TSHZ1: variants seen among roughly 807,000 people sequenced by gnomAD.
TSHZ1 encodes teashirt homolog 1.
TSHZ1 carries 12 observed loss-of-function variants against 67.1 expected under a neutral mutation model. That is an observed-to-expected ratio of 0.18 (90% confidence interval 0.11 to 0.29). The LOEUF is 0.29. TSHZ1 is among the 10% of genes least tolerant of loss of function. The pLI is 1.00. For synonymous variants in TSHZ1, 632 were observed against 622.4 expected (o/e 1.02, Z -0.23); for missense variants, 1,305 against 1,413.9 (o/e 0.92, Z 1.23).
chr18:75,232,151 G>A (rs1395739332), intron 1 of TSHZ1, among the ~76,000 whole-genome samples: 6 of 151,346 alleles, frequency 4.0e-5, no homozygotes, highest in South Asian at 2.1e-4. Flanking sequence ...GACCTTGGGC[G>A]ATCCACCTGC....
intron 1 of TSHZ1, among the ~76,000 whole-genome samples, chr18:75,275,547 T>TG (rs1259091097): frequency 3.3e-5 from 5 of 152,222 alleles, no homozygotes; most frequent in Admixed American, 1.3e-4. Context: ...GTCTCCTCTC[T>TG]GGATTTCTAA....
At position 75,285,242 on chromosome 18, in the gene TSHZ1, C is replaced by T. The variant is rs951983516; in HGVS notation, c.41-206C>T. 9.2e-5 allele frequency: 43 copies of T among 467,114 alleles called. No homozygotes were observed. The East Asian group carries it at 1.5e-3, about 16-fold the overall frequency. 28.9% of individuals were successfully genotyped at this position (467,114 alleles called of 1,614,324 possible). On this transcript the variant is annotated intron_variant, in intron 1 of 1. Coordinates refer to ENST00000580243, the MANE Select transcript of TSHZ1 (RefSeq NM_001308210.2). The stretch of plus-strand genomic sequence containing the variant: ...ACAGGACATCATCCTCCAGCTCAGT[C>T]CCCTTTGCTAAAGACACACTCAGGA...
At chr18:75,267,385 A>G (rs1352473871) in intron 1 of TSHZ1, among the ~76,000 whole-genome samples, 1 of 152,224 alleles carries the variant, frequency 6.6e-6, no homozygotes, top group Non-Finnish European at 1.5e-5. Flanking sequence ...CTTAGTGGTA[A>G]GGGTTTCTTC....
intron 1 of TSHZ1, among the ~76,000 whole-genome samples, chr18:75,262,962 A>G (rs2023448652): frequency 6.6e-6 from 1 of 152,122 alleles, no homozygotes; most frequent in Admixed American, 6.5e-5. Context: ...GGACACAGAG[A>G]CTTAGGCTAG....
chr18:75,229,723 G>A (rs548073204), intron 1 of TSHZ1, among the ~76,000 whole-genome samples: 2 of 152,354 alleles, frequency 1.3e-5, no homozygotes, highest in Admixed American at 6.5e-5. Flanking sequence ...GCAGGAAGCT[G>A]TTTTTGGTTT....
chr18:75,212,969 C>G (rs1264737348), intron 1 of TSHZ1, among the ~76,000 whole-genome samples: 2 of 152,218 alleles, frequency 1.3e-5, no homozygotes, highest in Non-Finnish European at 2.9e-5. Flanking sequence ...TAAATCAACT[C>G]TCTCCAAGCT....
chr18:75,233,830 C>T (rs750460993), intron 1 of TSHZ1, among the ~76,000 whole-genome samples: 2 of 152,098 alleles, frequency 1.3e-5, no homozygotes, highest in African/African-American at 4.8e-5. Flanking sequence ...AGCGAGCATC[C>T]GCACGCCCGG....
At chr18:75,234,275 C>T (rs777274232) in intron 1 of TSHZ1, among the ~76,000 whole-genome samples, 5 of 152,132 alleles carry the variant, frequency 3.3e-5, no homozygotes, top group South Asian at 2.1e-4. Flanking sequence ...CTACTCCCTG[C>T]GGCCGCCCTG....
intron 1 of TSHZ1, among the ~76,000 whole-genome samples, chr18:75,275,422 T>C (rs1049724915): frequency 4.6e-5 from 7 of 152,194 alleles, no homozygotes; most frequent in Non-Finnish European, 1.0e-4. Flanking sequence ...GCGACGTTTG[T>C]TTGTAGTTCT....
intron 1 of TSHZ1, among the ~76,000 whole-genome samples, chr18:75,234,691 A>C (rs1213639346): frequency 2.0e-5 from 3 of 152,214 alleles, no homozygotes; most frequent in Non-Finnish European, 2.9e-5. Context: ...AATTAAAAAA[A>C]ATGCTGTGAG....
chr18:75,217,261 C>A (rs753499947), intron 1 of TSHZ1, among the ~76,000 whole-genome samples: 1 of 152,214 alleles, frequency 6.6e-6, no homozygotes, highest in Non-Finnish European at 1.5e-5. Context: ...TGTGTGAATT[C>A]ACATTTGCAA....
At chr18:75,250,143 G>A (rs1431556280) in intron 1 of TSHZ1, among the ~76,000 whole-genome samples, 1 of 150,838 alleles carries the variant, frequency 6.6e-6, no homozygotes, top group Non-Finnish European at 1.5e-5. Flanking sequence ...TGCAGTAGGT[G>A]GGGGGTGACT....
chr18:75,287,167 G>T lies in TSHZ1; in HGVS notation c.1760G>T (p.Gly587Val). The T allele has an allele frequency of 6.2e-7, 1 of 1,613,784 alleles. No homozygotes were observed. The highest frequency in any genetic ancestry group is 8.5e-7 in the Non-Finnish European group (1 of 1,179,896). The stretch of plus-strand genomic sequence containing the variant: ...ATCCATGCAGCCTACCAGCTCCCGG[G>T]CACCGTGAAGCCACTGCCGGCGGCC... ...PSIHAAYQLP[G>V]TVKPLPAAVQ... The change falls in exon 2 of 2, where the codon GGC (glycine) becomes GTC (valine). Residue 587 changes from glycine (G) to valine (V), a missense_variant. Gly to Val is a moderately radical substitution (Grantham distance 109). Coordinates refer to ENST00000580243, the MANE Select transcript of TSHZ1 (RefSeq NM_001308210.2). This position sits in a 1 kb window ranked among gnomAD's most constrained non-coding sequence, Gnocchi z 5.0.
At chr18:75,235,365 A>G (rs2122541556) in intron 1 of TSHZ1, among the ~76,000 whole-genome samples, 1 of 152,218 alleles carries the variant, frequency 6.6e-6, no homozygotes, top group Admixed American at 6.5e-5. Context: ...CTTTGACCTC[A>G]ACATCAAAAC....
At chr18:75,250,733 G>A (rs939172650) in intron 1 of TSHZ1, among the ~76,000 whole-genome samples, 2 of 152,244 alleles carry the variant, frequency 1.3e-5, no homozygotes, top group African/African-American at 2.4e-5. Context: ...TTACCGTCCG[G>A]ATGGGTCTGG....
At chr18:75,227,198 C>T (rs1357152762) in intron 1 of TSHZ1, among the ~76,000 whole-genome samples, 3 of 151,994 alleles carry the variant, frequency 2.0e-5, no homozygotes, top group African/African-American at 2.4e-5. Flanking sequence ...ATTCATAGGT[C>T]CCCCACTCCT....
intron 1 of TSHZ1, among the ~76,000 whole-genome samples, chr18:75,278,937 C>T (rs377223271): frequency 6.6e-6 from 1 of 152,140 alleles, no homozygotes; most frequent in African/African-American, 2.4e-5. Context: ...CGCCCTCCTG[C>T]CCACCTCCGT....
At chr18:75,260,962 C>T (rs79999192) in intron 1 of TSHZ1, among the ~76,000 whole-genome samples, 121 of 152,140 alleles carry the variant, frequency 8.0e-4, no homozygotes, top group Middle Eastern at 3.4e-3. Context: ...ATCCATGGGA[C>T]GCGCGTCCCT....
At chr18:75,254,645 A>T (rs2023342196) in intron 1 of TSHZ1, among the ~76,000 whole-genome samples, 1 of 152,248 alleles carries the variant, frequency 6.6e-6, no homozygotes, top group Non-Finnish European at 1.5e-5. Context: ...ATGATAGCAG[A>T]TGACCTAATA....
Sources: gnomAD v4.1 joint callset for allele counts (sites outside exome capture counted in the v4.1 genomes callset) on GRCh38, gnomAD v4.1.1 for gene constraint, Gnocchi (gnomAD v3.1) non-coding constraint, MANE v1.5 for transcripts, NCBI Gene and HGNC (gene_info 2026-07-23, HGNC 2026-07-21) for gene names.